EHD4: variants seen among roughly 807,000 people sequenced by gnomAD.
The protein encoded by EHD4 is EH domain-containing protein 4.
A neutral mutation model predicts 51.0 loss-of-function variants in EHD4; 37 were observed. That is an observed-to-expected ratio of 0.73 (90% CI 0.56 to 0.95). The LOEUF (loss-of-function observed/expected upper bound fraction) is 0.95. Ranked by LOEUF, EHD4 falls within the 40% of genes least tolerant of loss-of-function variation. The pLI is 0.00. For missense variants in EHD4, 632 were observed against 733.1 expected, an observed-to-expected ratio of 0.86 and a Z score of 1.59; for synonymous variants, 297 against 317.3, an observed-to-expected ratio of 0.94 and a Z score of 0.68.
At position 41,972,254 on chromosome 15, in the gene EHD4, G is replaced by A. The variant is rs770828488; in HGVS notation, c.236+5C>T. 6.5e-6 allele frequency: 10 copies of A among 1,548,080 alleles called. No homozygotes were observed. The highest frequency in any genetic ancestry group is 1.4e-5 in the African/African-American group (1 of 70,334). On this transcript the variant is annotated splice_donor_5th_base_variant and intron_variant, in intron 1 of 5. Transcript: ENST00000220325. Reference sequence around the variant, plus strand: ...CGGGAGCCGGGCGAGGGGCGGTGACGGTACCTGATGAAGGTGGTCTTGCCG... The same window carrying A: ...CGGGAGCCGGGCGAGGGGCGGTGACAGTACCTGATGAAGGTGGTCTTGCCG...
At chr15:41,910,007 C>T (rs528727793) in intron 4 of EHD4, 144 bp from the exon 5 acceptor site, 65 of 1,066,140 alleles carry the variant, frequency 6.1e-5, no homozygotes, top group South Asian at 5.9e-4. Flanking sequence ...GGGGAGGGTC[C>T]AGGGGGAGTG....
At chr15:41,927,674 G>A (rs2140992270) in intron 3 of EHD4, among the ~76,000 whole-genome samples, 1 of 152,322 alleles carries the variant, frequency 6.6e-6, no homozygotes, top group South Asian at 2.1e-4. Context: ...AACCATGACT[G>A]CCAGAGGCTG....
intron 3 of EHD4, among the ~76,000 whole-genome samples, chr15:41,939,982 A>T (rs1017678545): frequency 2.0e-5 from 3 of 147,678 alleles, no homozygotes; most frequent in South Asian, 2.1e-4. Flanking sequence ...AATGCTATGT[A>T]TTTTTTTTTT....
chr15:41,962,664 G>T (rs371697750), intron 1 of EHD4, among the ~76,000 whole-genome samples: 2 of 151,982 alleles, frequency 1.3e-5, no homozygotes, highest in Admixed American at 1.3e-4. Context: ...CGCCCCGTCC[G>T]GGAGGGAGGC....
chr15:41,932,215 A>G (rs2067703888), intron 3 of EHD4, among the ~76,000 whole-genome samples: 1 of 152,162 alleles, frequency 6.6e-6, no homozygotes, highest in Non-Finnish European at 1.5e-5. Flanking sequence ...CGAAGTACAG[A>G]CATGGACAAG....
At chr15:41,965,665 G>C (rs1260586839) in intron 1 of EHD4, among the ~76,000 whole-genome samples, 1 of 152,226 alleles carries the variant, frequency 6.6e-6, no homozygotes, top group Non-Finnish European at 1.5e-5. Flanking sequence ...AGGCCTCCAA[G>C]TGATTCTGAT....
intron 1 of EHD4, among the ~76,000 whole-genome samples, chr15:41,968,389 C>G (rs879593645): frequency 1.3e-5 from 2 of 151,482 alleles, no homozygotes; most frequent in African/African-American, 4.9e-5. Flanking sequence ...TATACATTGA[C>G]AAGAATACTC....
In EHD4 at chr15:41,899,316, T is replaced by C. The variant is rs1008714046; in HGVS notation, c.*1329A>G. ...GAGGCACCTCCACCTGACGCAGGTG[T>C]CTGAGCAGCAGTCCAGAGAGGTTTA... is the stretch of plus-strand genomic sequence containing the variant. On this transcript the variant is annotated 3_prime_UTR_variant, in exon 6 of 6. Transcript: ENST00000220325. 2.0e-5 allele frequency: 3 copies of C among 152,120 alleles called. No individual in the cohort carries two copies. Among genetic ancestry groups the C allele is most frequent in the African/African-American group, 7.2e-5 (3 of 41,418 alleles). 9.4% of individuals were successfully genotyped at this position (152,120 alleles called of 1,614,324 possible). A position where few individuals can be genotyped will look rare whatever the true frequency, so the allele number is the denominator to read the frequency against.
At chr15:41,946,318 C>T (rs1229803925) in intron 2 of EHD4, among the ~76,000 whole-genome samples, 1 of 152,158 alleles carries the variant, frequency 6.6e-6, no homozygotes, top group African/African-American at 2.4e-5. Context: ...GCTGCCCCCT[C>T]AACTCCATAT....
At chr15:41,933,233 G>C (rs2067710548) in intron 3 of EHD4, among the ~76,000 whole-genome samples, 1 of 152,196 alleles carries the variant, frequency 6.6e-6, no homozygotes, top group Admixed American at 6.5e-5. Context: ...GGCTTGTTTG[G>C]ATGGTCGAGA....
intron 3 of EHD4, among the ~76,000 whole-genome samples, chr15:41,938,339 T>A (rs1197172150): frequency 6.6e-6 from 1 of 152,220 alleles, no homozygotes; most frequent in Non-Finnish European, 1.5e-5. Context: ...TAGGAGGACT[T>A]AAAGATGTTT....
At chr15:41,940,559 G>A (rs960617207) in intron 3 of EHD4, among the ~76,000 whole-genome samples, 4 of 152,214 alleles carry the variant, frequency 2.6e-5, no homozygotes, top group South Asian at 2.1e-4. Flanking sequence ...GCTGTGGCCC[G>A]TCGTGCTGTC....
At chr15:41,954,987 T>C (rs998526793) in intron 1 of EHD4, among the ~76,000 whole-genome samples, 2 of 152,234 alleles carry the variant, frequency 1.3e-5, no homozygotes, top group Non-Finnish European at 2.9e-5. Flanking sequence ...TTAATTGATG[T>C]CATTGCTAGT....
At chr15:41,970,461 C>G (rs989157527) in intron 1 of EHD4, among the ~76,000 whole-genome samples, 2 of 152,228 alleles carry the variant, frequency 1.3e-5, no homozygotes, top group Non-Finnish European at 2.9e-5. Context: ...CTGCGCTTAG[C>G]TATTCCACAA....
intron 5 of EHD4, among the ~76,000 whole-genome samples, chr15:41,907,712 G>T (rs143594697): frequency 3.6e-4 from 54 of 152,008 alleles, no homozygotes; most frequent in Admixed American, 1.7e-3. Flanking sequence ...TGCAGAGACG[G>T]GGTTTCACTA....
intron 3 of EHD4, among the ~76,000 whole-genome samples, chr15:41,940,613 G>A (rs537758444): frequency 3.9e-5 from 6 of 152,288 alleles, no homozygotes; most frequent in South Asian, 2.1e-4. Flanking sequence ...TGCTGTGTCC[G>A]TCGGTGTGGC....
Position 41,941,310 on chromosome 15 carries a change from G to A in EHD4, c.511+1757C>T, listed in dbSNP as rs1054310294. Among the ~76,000 whole-genome samples the A allele has an allele frequency of 2.6e-5, 4 of 152,178 alleles. No homozygotes were observed. In the East Asian group the frequency reaches 7.7e-4, roughly 29 times the overall value. On this transcript the variant is annotated intron_variant, in intron 3 of 5. Coordinates refer to ENST00000220325, the MANE Select transcript of EHD4 (RefSeq NM_139265.4). Reference sequence around the variant, plus strand: ...TGAAATAATCTGAATATACTGGCATGGAATGATGTCCAAGGTAGACTGTTA... The same window carrying A: ...TGAAATAATCTGAATATACTGGCATAGAATGATGTCCAAGGTAGACTGTTA...
intron 3 of EHD4, among the ~76,000 whole-genome samples, chr15:41,933,547 C>T (rs543043921): frequency 2.0e-4 from 30 of 152,276 alleles, no homozygotes; most frequent in Non-Finnish European, 4.0e-4. Context: ...GAAACGTGCC[C>T]GGCCAGTGTT....
intron 2 of EHD4, among the ~76,000 whole-genome samples, chr15:41,945,930 G>A (rs781159130): frequency 6.6e-6 from 1 of 152,198 alleles, no homozygotes. Flanking sequence ...AAGGTATGTC[G>A]TGTGACTCCT....
Sources: gnomAD v4.1 joint callset for allele counts (sites outside exome capture counted in the v4.1 genomes callset) on GRCh38, gnomAD v4.1.1 for gene constraint, MANE v1.5 for transcripts, NCBI Gene and HGNC (gene_info 2026-07-23, HGNC 2026-07-21) for gene names.